Variants in PTPN9 observed in about 807,000 individuals in gnomAD.
PTPN9 encodes tyrosine-protein phosphatase non-receptor type 9.
In PTPN9, 26 loss-of-function variants were observed where a neutral mutation model predicts 69.8. The ratio of observed to expected loss-of-function variants is 0.37; its 90% CI spans 0.27 to 0.52. The LOEUF is 0.52. PTPN9 is among the 20% of genes least tolerant of loss of function. PTPN9 has a pLI of 0.91. For missense variants in PTPN9, 549 were observed against 740.3 expected (o/e 0.74, Z 3.00); for synonymous variants, 274 against 272.5 (o/e 1.01, Z -0.05).
chr15:75,552,373 C>CTGTA (rs369838642), intron 1 of PTPN9, among the ~76,000 whole-genome samples: 137 of 152,282 alleles, frequency 9.0e-4, no homozygotes, highest in African/African-American at 3.2e-3. Flanking sequence ...CACCATTGTA[C>CTGTA]TGTAGCCTGG....
chr15:75,505,788 A>G lies in PTPN9; in HGVS notation c.855T>C (p.Ala285=). ...WDSVHVPGPH[A]MTIQELVDYV... ...AGTCCACCAACTCTTGGATGGTCAT[A>G]GCATGGGGACCTGGAACATGTACTG... is the stretch of plus-strand genomic sequence containing the variant. Residue 285 remains alanine, a synonymous_variant, in exon 7 of 13, where the codon GCT becomes GCC. Transcript: ENST00000618819. The G allele has an allele frequency of 6.2e-7, 1 of 1,614,134 alleles. No homozygotes were observed. Among genetic ancestry groups the G allele is most frequent in the Non-Finnish European group, 8.5e-7 (1 of 1,179,974 alleles).
Position 75,508,997 on chromosome 15 carries a change from G to C in PTPN9, c.559C>G (p.Leu187Val). ...GAFPARLKKV[L>V]IVGAPIWFRV... ...AACCATATGGGTGCCCCCACAATCA[G>C]CACCTTCTTCAAACGAGCTGGAAAT... Residue 187 changes from leucine to valine, a missense_variant, in exon 6 of 13, where the codon CTG becomes GTG. Physicochemically the swap from Leu to Val is conservative, Grantham distance 32 (BLOSUM62 1). Coordinates refer to ENST00000618819, the MANE Select transcript of PTPN9 (RefSeq NM_002833.4). The C allele has an allele frequency of 6.2e-7, 1 of 1,614,088 alleles. No homozygotes were observed. The highest frequency in any genetic ancestry group is 8.5e-7 in the Non-Finnish European group (1 of 1,179,972).
chr15:75,491,699 G>C (rs2074711865), intron 7 of PTPN9, among the ~76,000 whole-genome samples: 1 of 152,156 alleles, frequency 6.6e-6, no homozygotes, highest in Non-Finnish European at 1.5e-5. Context: ...AAGTGATACT[G>C]ATCAGAAAAC....
intron 1 of PTPN9, among the ~76,000 whole-genome samples, chr15:75,552,589 T>G (rs959806885): frequency 6.6e-6 from 1 of 151,852 alleles, no homozygotes; most frequent in South Asian, 2.1e-4. Context: ...TCTAGGCTAA[T>G]GTAAGTGCTC....
chr15:75,535,522 G>C (rs1418358108), intron 1 of PTPN9, among the ~76,000 whole-genome samples: 1 of 152,060 alleles, frequency 6.6e-6, no homozygotes, highest in Non-Finnish European at 1.5e-5. Context: ...AACAGGTGTT[G>C]ATTACAGGTG....
chr15:75,522,190 A>C (rs916559208), intron 4 of PTPN9, among the ~76,000 whole-genome samples: 2 of 152,204 alleles, frequency 1.3e-5, no homozygotes, highest in African/African-American at 4.8e-5. Context: ...GATGACTGTA[A>C]AAAACTTCTT....
At chr15:75,522,446 G>T (rs1484643502) in intron 4 of PTPN9, among the ~76,000 whole-genome samples, 1 of 151,936 alleles carries the variant, frequency 6.6e-6, no homozygotes, top group Non-Finnish European at 1.5e-5. Flanking sequence ...CTGGAATGCA[G>T]TGGCGTGATC....
At chr15:75,572,522 C>G (rs1292921564) in intron 1 of PTPN9, among the ~76,000 whole-genome samples, 1 of 151,948 alleles carries the variant, frequency 6.6e-6, no homozygotes, top group Non-Finnish European at 1.5e-5. Flanking sequence ...CCAGACTAGC[C>G]AACATGGTGA....
At chr15:75,497,106 ACTAGTAGCTGCTTATGAT>A (rs2074747209) in intron 7 of PTPN9, among the ~76,000 whole-genome samples, 1 of 152,200 alleles carries the variant, frequency 6.6e-6, no homozygotes, top group Non-Finnish European at 1.5e-5. Context: ...TCATATTCAT[ACTAGTAGCTGCTTATGAT>A]GAGTGGGGAG....
At chr15:75,552,691 A>G (rs1039773859) in intron 1 of PTPN9, among the ~76,000 whole-genome samples, 10 of 151,042 alleles carry the variant, frequency 6.6e-5, no homozygotes, top group African/African-American at 2.2e-4. Context: ...TCAACTTATG[A>G]TATTTTCAAC....
chr15:75,537,720 A>ACT (rs753861945), intron 1 of PTPN9, among the ~76,000 whole-genome samples: 1 of 130,548 alleles, frequency 7.7e-6, no homozygotes, highest in Non-Finnish European at 1.6e-5. Context: ...GTGCCACTGC[A>ACT]CTCCAGCAGG....
chr15:75,524,927 G>A (rs529578865), intron 2 of PTPN9, among the ~76,000 whole-genome samples: 1 of 152,042 alleles, frequency 6.6e-6, no homozygotes, highest in East Asian at 1.9e-4. Flanking sequence ...CCTCAGGTAG[G>A]GTATTTTTCT....
In PTPN9 at chr15:75,530,910, TAA is replaced by T. The variant is rs1567507618; in HGVS notation, c.64-3651_64-3650del. On this transcript the variant is annotated intron_variant, in intron 1 of 12. Transcript: ENST00000618819. ...TTATTATATATTATATTATATATTATAATATATATTTTTATTATTATAATGTA... is the reference window on the plus strand; with the variant it reads ...TTATTATATATTATATTATATATTATTATATATTTTTATTATTATAATGTA... Among the ~76,000 whole-genome samples the T allele has an allele frequency of 3.4e-5, 4 of 118,418 alleles. 1 individual carries two copies. Among genetic ancestry groups the T allele is most frequent in the Non-Finnish European group, 3.4e-5 (2 of 59,424 alleles). The allele number at this position is 118,418 out of a possible 152,430, so 77.7% of individuals were successfully genotyped here.
chr15:75,482,111 T>C (rs1222376551), intron 8 of PTPN9, among the ~76,000 whole-genome samples: 2 of 151,428 alleles, frequency 1.3e-5, no homozygotes, highest in Non-Finnish European at 2.9e-5. Context: ...TGTTCTGCAC[T>C]AAGAAAAATT....
chr15:75,559,293 C>T (rs1039743067), intron 1 of PTPN9, among the ~76,000 whole-genome samples: 2 of 152,148 alleles, frequency 1.3e-5, no homozygotes, highest in Non-Finnish European at 1.5e-5. Flanking sequence ...TCATTGAGAA[C>T]GGGCCATGAC....
chr15:75,505,046 A>G (rs1399782595), intron 7 of PTPN9, among the ~76,000 whole-genome samples: 1 of 152,204 alleles, frequency 6.6e-6, no homozygotes, highest in Non-Finnish European at 1.5e-5. Context: ...AAAGATTGAG[A>G]AATCGGATGG....
At position 75,490,191 on chromosome 15, in the gene PTPN9, T is replaced by C; in HGVS notation, c.1062+17A>G. 6.4e-7 allele frequency: 1 copy of C among 1,572,836 alleles called. No homozygotes were observed. The highest frequency in any genetic ancestry group is 1.4e-5 in the African/African-American group (1 of 74,030). ...TTTCCCCCAGTGCACCTAAAAAGAT[T>C]ACATTTATCTGTCTACCTGAGTATG... is the stretch of plus-strand genomic sequence containing the variant. On this transcript the variant is annotated intron_variant, in intron 8 of 12. Coordinates refer to ENST00000618819, the MANE Select transcript of PTPN9 (RefSeq NM_002833.4).
rs988612410 is a variant in PTPN9, at chr15:75,574,472, T to C, written c.63+4242A>G. The stretch of plus-strand genomic sequence containing the variant: ...GTCAGGATAGGATAGTAGCTTCGAA[T>C]AGGGTGATGGCAGTGATGGTGGAAG... On this transcript the variant is annotated intron_variant, in intron 1 of 12. Transcript: ENST00000618819. Among the ~76,000 whole-genome samples, 6 of 152,004 alleles carry C rather than the reference T, an allele frequency of 3.9e-5. No homozygotes were observed. In the South Asian group the frequency reaches 6.2e-4, roughly 16 times the overall value.
intron 10 of PTPN9, among the ~76,000 whole-genome samples, chr15:75,471,516 T>C (rs548693439): frequency 9.2e-5 from 13 of 142,012 alleles, no homozygotes; most frequent in African/African-American, 3.2e-4. Context: ...GGTAGGAGGA[T>C]TGCTTGAATC....
Sources: gnomAD v4.1 joint callset for allele counts (sites outside exome capture counted in the v4.1 genomes callset) on GRCh38, gnomAD v4.1.1 for gene constraint, MANE v1.5 for transcripts, NCBI Gene and HGNC (gene_info 2026-07-23, HGNC 2026-07-21) for gene names.